Variants in IPO9 observed in about 807,000 individuals in gnomAD.
IPO9 encodes the protein importin-9.
In IPO9, 28 loss-of-function variants were observed where a neutral mutation model predicts 128.6. The ratio of observed to expected loss-of-function variants is 0.22; its 90% confidence interval spans 0.16 to 0.30. The LOEUF is 0.30. Among genes scored for constraint, IPO9 ranks in the 10% least tolerant of loss-of-function variants. IPO9 has a pLI of 1.00. For missense variants in IPO9, 935 were observed against 1,293.9 expected, an observed-to-expected ratio of 0.72 and a Z score of 4.26; for synonymous variants, 455 against 475.8, an observed-to-expected ratio of 0.96 and a Z score of 0.57.
intron 1 of IPO9, among the ~76,000 whole-genome samples, chr1:201,831,608 G>A (rs189656882): frequency 6.7e-4 from 102 of 152,152 alleles, no homozygotes; most frequent in African/African-American, 2.3e-3. Flanking sequence ...TTTGACATTG[G>A]GTTCAGAGTA....
chr1:201,882,798 T>C lies in IPO9; in HGVS notation c.*6744T>C, dbSNP rs546705103. 3 of 152,694 alleles carry C rather than the reference T, an allele frequency of 2.0e-5. No individual in the cohort carries two copies. The highest frequency in any genetic ancestry group is 6.5e-5 in the Admixed American group (1 of 15,294). The allele number at this position is 152,694 out of a possible 1,614,324, so 9.5% of individuals were successfully genotyped here. A position where few individuals can be genotyped will look rare whatever the true frequency, so the allele number is the denominator to read the frequency against. ...AGCCTTGGTTCCCTCATCTGTAAAA[T>C]AGGGAACTAATACCTACCTCACAGG... On this transcript the variant is annotated 3_prime_UTR_variant, in exon 24 of 24. Transcript: ENST00000361565.
intron 13 of IPO9, among the ~76,000 whole-genome samples, chr1:201,860,333 A>G (rs1213265382): frequency 6.6e-6 from 1 of 152,238 alleles, no homozygotes; most frequent in African/African-American, 2.4e-5. Flanking sequence ...ATGGTTGTAC[A>G]TCCAGAGCTC....
At position 201,883,590 on chromosome 1, in the gene IPO9, G is replaced by A. The variant is rs1253998246; in HGVS notation, c.*7536G>A. 6.6e-6 allele frequency: 1 copy of A among 152,208 alleles called. No homozygotes were observed. Among genetic ancestry groups the A allele is most frequent in the Non-Finnish European group, 1.5e-5 (1 of 68,050 alleles). 9.4% of individuals were successfully genotyped at this position (152,208 alleles called of 1,614,324 possible). On this transcript the variant is annotated 3_prime_UTR_variant, in exon 24 of 24. Coordinates refer to ENST00000361565, the MANE Select transcript of IPO9 (RefSeq NM_018085.5). ...TCTGAATTTGCAAGCTTAAGAGCAT[G>A]TATGAGCAGAACCTGTGCAGACCAA... is the stretch of plus-strand genomic sequence containing the variant.
At chr1:201,856,638 ATTTT>A (rs1176977752) in intron 10 of IPO9, among the ~76,000 whole-genome samples, 1 of 151,902 alleles carries the variant, frequency 6.6e-6, no homozygotes, top group Admixed American at 6.6e-5. Context: ...AAAAGAAAAG[ATTTT>A]TTTAAGCTAG....
chr1:201,864,852 C>T (rs1266602176), intron 14 of IPO9, among the ~76,000 whole-genome samples: 2 of 152,118 alleles, frequency 1.3e-5, no homozygotes, highest in African/African-American at 4.8e-5. Flanking sequence ...ATCAGAAGAA[C>T]TGTGAAGAAA....
rs763372136 is a variant in IPO9, at chr1:201,868,715, C to T, written c.1923C>T (p.Gly641=). ...TGTCCCAGATTGAAGCCTGTCAGGG[C>T]CCAATGCAAATGAGGCTGATTCCCA... ...KELSQIEACQ[G]PMQMRLIPTL... The change falls in exon 16 of 24, where the codon GGC becomes GGT. Residue 641 remains glycine, a synonymous_variant. Coordinates refer to ENST00000361565, the MANE Select transcript of IPO9 (RefSeq NM_018085.5). 80 of 1,613,880 alleles carry T rather than the reference C, an allele frequency of 5.0e-5. No homozygotes were observed. Among genetic ancestry groups the T allele is most frequent in the Non-Finnish European group, 6.8e-5 (80 of 1,179,976 alleles).
chr1:201,871,174 T>C lies in IPO9; in HGVS notation c.2423T>C (p.Val808Ala). 1 of 1,612,992 alleles carries C rather than the reference T, an allele frequency of 6.2e-7. No individual in the cohort carries two copies. Among genetic ancestry groups the C allele is most frequent in the Non-Finnish European group, 8.5e-7 (1 of 1,179,636 alleles). Residue 808 changes from valine to alanine, a missense_variant, in exon 19 of 24, where the codon GTG (valine) becomes GCG (alanine). Physicochemically the swap from Val to Ala is moderately conservative, Grantham distance 64. Around this residue, in one of 3 missense-constraint regions of IPO9, gnomAD observed 741 missense variants for 1,019.1 expected, o/e 0.73. Coordinates refer to ENST00000361565, the MANE Select transcript of IPO9 (RefSeq NM_018085.5). The stretch of plus-strand genomic sequence containing the variant: ...ATTTTCTCCTAGTCCCTGATCATGG[T>C]GTTCGCTCATCTGGTGCACACTCAG... Reference protein sequence around the residue: ...TLSVMQSLIMVFAHLVHTQLE... With the variant: ...TLSVMQSLIMAFAHLVHTQLE...
At position 201,858,904 on chromosome 1, in the gene IPO9, A is replaced by T; in HGVS notation, c.1378A>T (p.Ile460Phe). Residue 460 changes from isoleucine (I) to phenylalanine (F), a missense_variant, in exon 13 of 24, where the codon ATC becomes TTC. Coordinates refer to ENST00000361565, the MANE Select transcript of IPO9 (RefSeq NM_018085.5). The stretch of plus-strand genomic sequence containing the variant: ...GCTTGCCCTAGGCTCAGTGAAGGCC[A>T]TCATCACTGACAGTGTGAAAAATGG... The part of the protein sequence containing the change: ...CMLALGSVKA[I>F]ITDSVKNGRI... 6.2e-7 allele frequency: 1 copy of T among 1,611,854 alleles called. No individual in the cohort carries two copies. Among genetic ancestry groups the T allele is most frequent in the East Asian group, 2.2e-5 (1 of 44,844 alleles).
intron 1 of IPO9, among the ~76,000 whole-genome samples, chr1:201,846,808 T>C (rs1221019416): frequency 6.6e-6 from 1 of 152,194 alleles, no homozygotes; most frequent in Non-Finnish European, 1.5e-5. Context: ...TAGCTGGGAT[T>C]ACAGCCATGC....
chr1:201,841,432 AG>A (rs1424470580), intron 1 of IPO9, among the ~76,000 whole-genome samples: 1 of 152,218 alleles, frequency 6.6e-6, no homozygotes, highest in Non-Finnish European at 1.5e-5. Flanking sequence ...ATGAACCTCG[AG>A]GTTTGGATTG....
chr1:201,857,011 A>C, intron 10 of IPO9, 85 bp from the exon 11 acceptor site: 1 of 894,082 alleles, frequency 1.1e-6, no homozygotes, highest in South Asian at 1.3e-5. Flanking sequence ...TTTCAGGATA[A>C]TAGGTTGAAA....
At chr1:201,874,501 T>G in intron 21 of IPO9, 129 bp downstream of exon 21, 2 of 1,049,708 alleles carry the variant, frequency 1.9e-6, no homozygotes, top group Non-Finnish European at 1.4e-6. Context: ...GCTCTGTGGC[T>G]GGCACCATGC....
intron 4 of IPO9, among the ~76,000 whole-genome samples, chr1:201,849,505 T>A (rs1571544300): frequency 6.6e-6 from 1 of 152,336 alleles, no homozygotes; most frequent in East Asian, 1.9e-4. Context: ...CACCAATATC[T>A]TATCTCTTTT....
intron 1 of IPO9, among the ~76,000 whole-genome samples, chr1:201,830,205 T>C (rs1679807528): frequency 6.6e-6 from 1 of 152,238 alleles, no homozygotes; most frequent in Non-Finnish European, 1.5e-5. Context: ...ATCTTCTTGG[T>C]CTTTGTGTAA....
chr1:201,883,600 A>G lies in IPO9; in HGVS notation c.*7546A>G, dbSNP rs1417706755. 6.6e-6 allele frequency: 1 copy of G among 152,214 alleles called. No homozygotes were observed. The highest frequency in any genetic ancestry group is 2.4e-5 in the African/African-American group (1 of 41,430). 9.4% of individuals were successfully genotyped at this position (152,214 alleles called of 1,614,324 possible). On this transcript the variant is annotated 3_prime_UTR_variant, in exon 24 of 24. Transcript: ENST00000361565. ...CAAGCTTAAGAGCATGTATGAGCAG[A>G]ACCTGTGCAGACCAAGGCTTAGAGG... is the stretch of plus-strand genomic sequence containing the variant.
chr1:201,834,616 A>AT (rs1679892393), intron 1 of IPO9, among the ~76,000 whole-genome samples: 1 of 152,204 alleles, frequency 6.6e-6, no homozygotes, highest in African/African-American at 2.4e-5. Flanking sequence ...TCGTGCCAGC[A>AT]TGCACAGACT....
chr1:201,847,170 C>T, intron 1 of IPO9, 109 bp from the exon 2 acceptor site: 2 of 801,448 alleles, frequency 2.5e-6, no homozygotes, highest in Non-Finnish European at 4.2e-6. Flanking sequence ...CTTTTTGAAA[C>T]AACAGATTAA....
At chr1:201,852,880 C>G (rs748287808) in intron 5 of IPO9, 131 bp from the exon 6 acceptor site, 3 of 697,258 alleles carry the variant, frequency 4.3e-6, no homozygotes, top group Non-Finnish European at 7.7e-6. Flanking sequence ...AATTACATTT[C>G]CCATTTCTCG....
At chr1:201,853,505 T>TTA (rs1325267137) in intron 6 of IPO9, among the ~76,000 whole-genome samples, 1 of 151,846 alleles carries the variant, frequency 6.6e-6, no homozygotes, top group Non-Finnish European at 1.5e-5. Flanking sequence ...AGTGCTGGGG[T>TTA]TATAAGCATG....
Sources: allele counts gnomAD v4.1 joint callset (sites outside exome capture counted in the v4.1 genomes callset), GRCh38; gene constraint gnomAD v4.1.1; regional missense constraint gnomAD v4.1.1; transcripts MANE v1.5; gene names NCBI Gene and HGNC (gene_info 2026-07-23, HGNC 2026-07-21).